NFIB: variants seen among roughly 807,000 people sequenced by gnomAD.
NFIB encodes the protein nuclear factor I B, also known as nuclear factor 1 B-type.
NFIB carries 11 observed loss-of-function variants against 61.5 expected under a neutral mutation model. The observed-to-expected ratio is 0.18, with a 90% CI of 0.11 to 0.30. The LOEUF is 0.30. NFIB is among the 10% of genes least tolerant of loss of function. The probability of loss-of-function intolerance (pLI) is 1.00; values close to 1 mark genes in which losing one functional copy is unlikely to be tolerated. For missense variants in NFIB, 471 were observed against 608.9 expected, an observed-to-expected ratio of 0.77 and a Z score of 2.38; for synonymous variants, 260 against 216.5, an observed-to-expected ratio of 1.20 and a Z score of -1.76.
intron 2 of NFIB, among the ~76,000 whole-genome samples, chr9:14,182,708 C>CTCTCTGTGTGTGTGTGTG (rs778914837): frequency 1.0e-5 from 1 of 97,000 alleles, no homozygotes; most frequent in African/African-American, 4.4e-5. Flanking sequence ...CTCTCTCTCT[C>CTCTCTGTGTGTGTGTGTG]TGTGTGTGTG....
chr9:14,375,749 C>A (rs184994532), intron 1 of NFIB, among the ~76,000 whole-genome samples: 1 of 151,952 alleles, frequency 6.6e-6, no homozygotes, highest in African/African-American at 2.4e-5. Flanking sequence ...TGCAAGGGAA[C>A]CTGGTAAGGG....
intron 2 of NFIB, among the ~76,000 whole-genome samples, chr9:14,192,759 G>A (rs1330756144): frequency 1.3e-5 from 2 of 152,108 alleles, no homozygotes; most frequent in Non-Finnish European, 2.9e-5. Context: ...TCCTACTGAT[G>A]CTAATGACTG....
intron 1 of NFIB, among the ~76,000 whole-genome samples, chr9:14,352,661 G>A (rs1037531596): frequency 2.6e-5 from 4 of 152,194 alleles, no homozygotes; most frequent in Admixed American, 1.3e-4. Context: ...GCTGTACTAG[G>A]TCTGGTCCTG....
chr9:14,315,306 G>T (rs1476957508), upstream of NFIB, among the ~76,000 whole-genome samples: 2 of 151,160 alleles, frequency 1.3e-5, no homozygotes, highest in Non-Finnish European at 3.0e-5. Flanking sequence ...CCCTCCCCGG[G>T]GGTGCCCCGT....
the NFIB span, among the ~76,000 whole-genome samples, chr9:14,492,120 T>C: frequency 6.6e-6 from 1 of 151,998 alleles, no homozygotes; most frequent in African/African-American, 2.4e-5. Context: ...TCCCAGCACT[T>C]TGGAAGGCCA....
intron 1 of NFIB, among the ~76,000 whole-genome samples, chr9:14,383,335 T>A (rs1045061693): frequency 6.6e-6 from 1 of 152,226 alleles, no homozygotes; most frequent in Non-Finnish European, 1.5e-5. Context: ...CTATTGATTA[T>A]ATTTTTGGTG....
chr9:14,324,616 A>T (rs1025540457), intron 1 of NFIB, among the ~76,000 whole-genome samples: 2 of 150,270 alleles, frequency 1.3e-5, no homozygotes, highest in Admixed American at 1.3e-4. Context: ...AAAGAAAGAG[A>T]AAAGTATTTC....
chr9:14,245,085 G>C (rs1340385388), intron 2 of NFIB, among the ~76,000 whole-genome samples: 1 of 152,108 alleles, frequency 6.6e-6, no homozygotes, highest in Non-Finnish European at 1.5e-5. Context: ...GATAACAACA[G>C]CTAAATTCAG....
At chr9:14,412,478 C>T in the NFIB span, among the ~76,000 whole-genome samples, 1 of 152,210 alleles carries the variant, frequency 6.6e-6, no homozygotes, top group Non-Finnish European at 1.5e-5. Flanking sequence ...GGGTTATTCT[C>T]TCTGAGTGTG....
At chr9:14,318,298 T>C (rs2060585489), upstream of NFIB, among the ~76,000 whole-genome samples, 1 of 152,242 alleles carries the variant, frequency 6.6e-6, no homozygotes, top group African/African-American at 2.4e-5. Flanking sequence ...AACCCAGTTG[T>C]ATATTTGAAA....
upstream of NFIB, among the ~76,000 whole-genome samples, chr9:14,316,229 A>T (rs537017329): frequency 5.9e-5 from 9 of 152,360 alleles, no homozygotes; most frequent in East Asian, 1.5e-3. Context: ...TCCTGTCCTC[A>T]TTAGGGAAAT....
the NFIB span, among the ~76,000 whole-genome samples, chr9:14,514,344 A>ACACACACACACACG: frequency 6.6e-6 from 1 of 151,846 alleles, no homozygotes; most frequent in Non-Finnish European, 1.5e-5. Context: ...ACACACACAC[A>ACACACACACACACG]CACGCATCCA....
intron 5 of NFIB, among the ~76,000 whole-genome samples, chr9:14,147,373 G>A (rs1334774996): frequency 6.6e-6 from 1 of 151,980 alleles, no homozygotes; most frequent in African/African-American, 2.4e-5. Context: ...TAGTTCAAAG[G>A]CAGACGGTTG....
intron 1 of NFIB, among the ~76,000 whole-genome samples, chr9:14,322,796 T>G (rs1361729176): frequency 6.7e-6 from 1 of 149,626 alleles, no homozygotes; most frequent in African/African-American, 2.5e-5. Context: ...GGTGGGTGCG[T>G]GGGTAGCGGT....
Position 14,116,340 on chromosome 9 carries a change from C to T in NFIB, c.1252G>A (p.Gly418Ser), listed in dbSNP as rs778689333. The change falls in exon 9 of 11, where the codon GGC becomes AGC. Residue 418 changes from glycine (G) to serine (S), a missense_variant. Around this residue, in one of 2 missense-constraint regions of NFIB, gnomAD observed 372 missense variants for 395.6 expected, o/e 0.94. Transcript: ENST00000380953. ...ACTTTCCCTACTACTTGACCACTGC[C>T]GTTAGGCTACAAAACAAAAACAGAA... is the stretch of plus-strand genomic sequence containing the variant. ...PSSPQTSQPNGSGQVVGKVPG... is the reference protein window; with the variant it reads ...PSSPQTSQPNSSGQVVGKVPG... 1.3e-5 allele frequency: 20 copies of T among 1,502,224 alleles called. No homozygotes were observed. Among genetic ancestry groups the T allele is most frequent in the South Asian group, 2.7e-5 (2 of 75,126 alleles). The allele number at this position is 1,502,224 out of a possible 1,614,324, so 93.1% of individuals were successfully genotyped here.
upstream of NFIB, chr9:14,314,315 C>T (rs1412120722): frequency 8.5e-6 from 2 of 235,260 alleles, no homozygotes; most frequent in Non-Finnish European, 1.4e-5. Flanking sequence ...GCCGGGTCTT[C>T]GGCGCCCGGC....
chr9:14,246,245 A>G (rs1297181038), intron 2 of NFIB, among the ~76,000 whole-genome samples: 1 of 152,092 alleles, frequency 6.6e-6, no homozygotes, highest in Non-Finnish European at 1.5e-5. Context: ...TGCCTCTAGG[A>G]TAAAATCCAA....
intron 9 of NFIB, among the ~76,000 whole-genome samples, chr9:14,115,859 A>G (rs1421342999): frequency 1.3e-5 from 2 of 152,240 alleles, no homozygotes; most frequent in Non-Finnish European, 2.9e-5. Flanking sequence ...TCTTTGGGTG[A>G]TACGAAAACT....
chr9:14,101,872 C>T (rs1454090386), intron 10 of NFIB, among the ~76,000 whole-genome samples: 1 of 152,170 alleles, frequency 6.6e-6, no homozygotes, highest in Non-Finnish European at 1.5e-5. Flanking sequence ...CAAATTCCTT[C>T]TTTAGTTACT....
Sources: gnomAD v4.1 joint callset for allele counts (sites outside exome capture counted in the v4.1 genomes callset) on GRCh38, gnomAD v4.1.1 for gene constraint, gnomAD v4.1.1 regional missense constraint, MANE v1.5 for transcripts, NCBI Gene and HGNC (gene_info 2026-07-23, HGNC 2026-07-21) for gene names.